Variants in TG observed in about 807,000 individuals in gnomAD.
The protein encoded by TG is thyroglobulin, also known as thyroid hormones.
A neutral mutation model predicts 324.7 loss-of-function variants in TG; 270 were observed. The observed-to-expected ratio is 0.83, with a 90% CI of 0.75 to 0.92. The LOEUF is 0.92. TG is among the 40% of genes least tolerant of loss of function. The pLI is 0.00. For synonymous variants in TG, 1,401 were observed against 1,327.0 expected (o/e 1.06, Z -1.21); for missense variants, 3,591 against 3,456.4 (o/e 1.04, Z -0.98).
At chr8:132,925,397 G>A (rs1459687776) in intron 22 of TG, among the ~76,000 whole-genome samples, 2 of 152,162 alleles carry the variant, frequency 1.3e-5, no homozygotes, top group African/African-American at 4.8e-5. Flanking sequence ...CTCCAGGGAA[G>A]CTGGTACAGC....
At chr8:133,055,422 A>T (rs181858945) in intron 41 of TG, among the ~76,000 whole-genome samples, 1 of 151,554 alleles carries the variant, frequency 6.6e-6, no homozygotes, top group East Asian at 2.0e-4. Context: ...TATACATGCA[A>T]CTAACCAATC....
chr8:132,982,219 G>T (rs183538720), intron 34 of TG, among the ~76,000 whole-genome samples: 1 of 152,090 alleles, frequency 6.6e-6, no homozygotes, highest in African/African-American at 2.4e-5. Flanking sequence ...TGAGTAATTT[G>T]CTCAAAGTTA....
intron 41 of TG, among the ~76,000 whole-genome samples, chr8:133,074,652 C>T (rs1844591707): frequency 6.6e-6 from 1 of 152,202 alleles, no homozygotes; most frequent in South Asian, 2.1e-4. Context: ...CTTCTCTCCA[C>T]AGAATTATGC....
intron 16 of TG, among the ~76,000 whole-genome samples, chr8:132,905,817 G>A (rs150146827): frequency 1.3e-5 from 2 of 152,276 alleles, no homozygotes; most frequent in East Asian, 1.9e-4. Context: ...AGTCTGCCTG[G>A]GAGAACCATG....
At chr8:132,898,562 G>A (rs1817464769) in intron 13 of TG, among the ~76,000 whole-genome samples, 1 of 152,224 alleles carries the variant, frequency 6.6e-6, no homozygotes, top group South Asian at 2.1e-4. Flanking sequence ...CCTCGCCTCT[G>A]AACCTGCAGC....
At chr8:132,957,125 A>G (rs1826998143) in intron 27 of TG, among the ~76,000 whole-genome samples, 1 of 152,154 alleles carries the variant, frequency 6.6e-6, no homozygotes, top group African/African-American at 2.4e-5. Flanking sequence ...CATATTAACA[A>G]TGAAGACCAC....
At chr8:133,102,092 TC>T (rs1409122105) in intron 43 of TG, among the ~76,000 whole-genome samples, 2 of 152,204 alleles carry the variant, frequency 1.3e-5, no homozygotes, top group Admixed American at 1.3e-4. Flanking sequence ...AAATGTTCGT[TC>T]TTTTCCCTTA....
At chr8:133,085,295 C>G (rs1169040479) in intron 41 of TG, among the ~76,000 whole-genome samples, 1 of 152,120 alleles carries the variant, frequency 6.6e-6, no homozygotes, top group Non-Finnish European at 1.5e-5. Context: ...TTGCACTAGG[C>G]AAGCATTTCT....
chr8:132,919,392 A>T lies in TG; in HGVS notation c.4395A>T (p.Gly1465=). Residue 1465 remains glycine, a synonymous_variant, in exon 21 of 48, where the codon GGA becomes GGT. Transcript: ENST00000220616. ...TTTTTCTAGTTAAGTGTCCTGAAGG[A>T]AGCTATTCCCAAGATGAGGAATGCA... ...DGLGCVKCPE[G]SYSQDEECIP... 1 of 1,614,094 alleles carries T rather than the reference A, an allele frequency of 6.2e-7. No homozygotes were observed. The highest frequency in any genetic ancestry group is 8.5e-7 in the Non-Finnish European group (1 of 1,180,002).
At chr8:132,976,976 C>T (rs971629234) in intron 34 of TG, among the ~76,000 whole-genome samples, 7 of 152,176 alleles carry the variant, frequency 4.6e-5, no homozygotes, top group Non-Finnish European at 1.0e-4. Context: ...TTACAGTATT[C>T]TCACAGGTGG....
At position 133,036,107 on chromosome 8, in the gene TG, T is replaced by C. The variant is rs138764058; in HGVS notation, c.7239+6084T>C. Among the ~76,000 whole-genome samples, 9 of 152,324 alleles carry C rather than the reference T, an allele frequency of 5.9e-5. 1 individual carries two copies. Among genetic ancestry groups the C allele is most frequent in the Non-Finnish European group, 1.2e-4 (8 of 68,032 alleles). ...GAATTGCCCCATTATTCCTGCTGAC[T>C]CCATACACTTCCTAGATCTTTACAA... On this transcript the variant is annotated intron_variant, in intron 41 of 47. Transcript: ENST00000220616.
At chr8:133,039,680 C>G (rs1442584938) in intron 41 of TG, among the ~76,000 whole-genome samples, 1 of 152,090 alleles carries the variant, frequency 6.6e-6, no homozygotes, top group Non-Finnish European at 1.5e-5. Flanking sequence ...TTCTAGGATC[C>G]TAACAATTAG....
At chr8:133,061,261 G>A (rs1317133233) in intron 41 of TG, among the ~76,000 whole-genome samples, 1 of 152,276 alleles carries the variant, frequency 6.6e-6, no homozygotes, top group Admixed American at 6.5e-5. Context: ...TACCTGCCTT[G>A]GCCTCCCAAT....
In TG at chr8:132,872,477, C is replaced by CAA. The variant is rs11359047; in HGVS notation, c.479-562_479-561dup. On this transcript the variant is annotated intron_variant, in intron 4 of 47. Transcript: ENST00000220616. ...TGGGCGGCAGAGCAAGACTCCGTCT[C>CAA]AAAAAAAAAAAAAAAAAAAAAAAAT... Among the ~76,000 whole-genome samples the CAA allele has an allele frequency of 2.8e-3, 201 of 72,894 alleles. 4 individuals carry two copies. The highest frequency in any genetic ancestry group is 8.8e-3 in the Middle Eastern group (1 of 114). The allele number at this position is 72,894 out of a possible 152,430, so 47.8% of individuals were successfully genotyped here. A position where few individuals can be genotyped will look rare whatever the true frequency, so the allele number is the denominator to read the frequency against.
Position 133,133,527 on chromosome 8 carries a change from G to T in TG, c.8055G>T (p.Trp2685Cys). The T allele has an allele frequency of 6.2e-7, 1 of 1,614,150 alleles. No homozygotes were observed. The change falls in exon 47 of 48, where the codon TGG becomes TGT. Residue 2685 changes from tryptophan (W) to cysteine (C), a missense_variant. Coordinates refer to ENST00000220616, the MANE Select transcript of TG (RefSeq NM_003235.5). ...AAGTACCCACATTTGCAACCCCCTG[G>T]CCTGACTTTGTACCCCGTGCTGGTG... ...SRKVPTFATP[W>C]PDFVPRAGGE...
intron 41 of TG, among the ~76,000 whole-genome samples, chr8:133,092,835 G>T (rs928472328): frequency 6.6e-6 from 1 of 152,078 alleles, no homozygotes; most frequent in Admixed American, 6.6e-5. Context: ...AATTTTCCAC[G>T]GTGAAAAAGG....
intron 43 of TG, among the ~76,000 whole-genome samples, chr8:133,100,135 G>A (rs577794569): frequency 6.6e-6 from 1 of 152,196 alleles, no homozygotes; most frequent in Admixed American, 6.5e-5. Flanking sequence ...TCCCTTTAGA[G>A]TTTCTCAAAT....
intron 16 of TG, among the ~76,000 whole-genome samples, chr8:132,905,719 C>A (rs1225575244): frequency 6.6e-6 from 1 of 152,002 alleles, no homozygotes; most frequent in Non-Finnish European, 1.5e-5. Context: ...AGTGGGGTGA[C>A]CAGCATGCCA....
chr8:133,119,283 G>A (rs549966845), intron 45 of TG, among the ~76,000 whole-genome samples: 1 of 152,012 alleles, frequency 6.6e-6, no homozygotes, highest in Non-Finnish European at 1.5e-5. Flanking sequence ...TTTATAGCAC[G>A]CCACAAAAAA....
Sources: gnomAD v4.1 joint callset for allele counts (sites outside exome capture counted in the v4.1 genomes callset) on GRCh38, gnomAD v4.1.1 for gene constraint, MANE v1.5 for transcripts, NCBI Gene and HGNC (gene_info 2026-07-23, HGNC 2026-07-21) for gene names.